The following RYR2 variants were observed in gnomAD, a reference collection of about 807,000 sequenced individuals.
RYR2 encodes the protein ryanodine receptor 2.
Under a neutral mutation model 601.1 loss-of-function variants are expected in RYR2, and 227 were observed. The ratio of observed to expected loss-of-function variants is 0.38; its 90% CI spans 0.34 to 0.42. The LOEUF (loss-of-function observed/expected upper bound fraction) is 0.42, where lower values mean the gene tolerates loss of function less well. Ranked by LOEUF, RYR2 falls within the 10% of genes least tolerant of loss-of-function variation. The pLI, the probability that RYR2 is intolerant of heterozygous loss-of-function variation, is 1.00. For synonymous variants in RYR2, 2,223 were observed against 2,175.1 expected (o/e 1.02, Z -0.61); for missense variants, 4,646 against 6,156.5 (o/e 0.75, Z 8.21).
At chr1:237,794,588 A>G (rs190964401) in intron 95 of RYR2, among the ~76,000 whole-genome samples, 150 of 152,326 alleles carry the variant, frequency 9.8e-4, no homozygotes, top group African/African-American at 3.4e-3. Context: ...ACAAAAGTAT[A>G]ATTTTTCACT....
At chr1:237,782,232 T>C (rs1185214755) in intron 89 of RYR2, among the ~76,000 whole-genome samples, 2 of 149,754 alleles carry the variant, frequency 1.3e-5, no homozygotes, top group Non-Finnish European at 3.0e-5. Flanking sequence ...AGTTAAGAGC[T>C]TGGGCTCCAA....
At chr1:237,611,824 A>G (rs1677901261) in intron 36 of RYR2, among the ~76,000 whole-genome samples, 1 of 152,274 alleles carries the variant, frequency 6.6e-6, no homozygotes, top group African/African-American at 2.4e-5. Flanking sequence ...TTTTATTTTA[A>G]TATCTTTAAA....
intron 101 of RYR2, among the ~76,000 whole-genome samples, chr1:237,821,857 GCAC>G (rs2102857721): frequency 6.6e-6 from 1 of 151,764 alleles, no homozygotes; most frequent in East Asian, 2.0e-4. Flanking sequence ...GAAAAACACA[GCAC>G]AAGAACTTTG....
intron 51 of RYR2, 117 bp from the exon 52 acceptor site, chr1:237,654,157 C>A: frequency 8.1e-7 from 1 of 1,234,552 alleles, no homozygotes; most frequent in African/African-American, 1.5e-5. Flanking sequence ...TGGGATTGGG[C>A]AATTTCACTT....
intron 19 of RYR2, among the ~76,000 whole-genome samples, chr1:237,494,353 T>G (rs760626825): frequency 2.2e-4 from 33 of 152,224 alleles, no homozygotes; most frequent in Non-Finnish European, 4.1e-4. Flanking sequence ...AGTCCAATGT[T>G]CAAGGGCAGA....
At chr1:237,365,539 A>AT (rs1196070714) in intron 5 of RYR2, among the ~76,000 whole-genome samples, 1 of 152,232 alleles carries the variant, frequency 6.6e-6, no homozygotes, top group Non-Finnish European at 1.5e-5. Context: ...TTATGATCAC[A>AT]TTTTGAAGAG....
intron 1 of RYR2, among the ~76,000 whole-genome samples, chr1:237,098,930 C>T (rs1351309190): frequency 2.0e-5 from 3 of 152,140 alleles, no homozygotes; most frequent in African/African-American, 7.2e-5. Context: ...GGTCTCTTCC[C>T]CTGGCATGTC....
chr1:237,446,329 A>G (rs557812979), intron 14 of RYR2, among the ~76,000 whole-genome samples: 1 of 152,108 alleles, frequency 6.6e-6, no homozygotes, highest in Non-Finnish European at 1.5e-5. Context: ...AAACTTTGCT[A>G]ATTTGATGGG....
chr1:237,082,546 T>TATATAA, intron 1 of RYR2, among the ~76,000 whole-genome samples: 1 of 120,730 alleles, frequency 8.3e-6, no homozygotes, highest in East Asian at 2.4e-4. Context: ...TATATATATA[T>TATATAA]ATATATATAT....
chr1:237,697,121 C>T (rs1219601108), intron 63 of RYR2, among the ~76,000 whole-genome samples: 2 of 151,596 alleles, frequency 1.3e-5, no homozygotes, highest in Admixed American at 6.6e-5. Context: ...CCCTTAGCCA[C>T]TTGACCCTCT....
rs187828672 is a variant in RYR2 at position 237,106,441 on chromosome 1, C to T, written c.48+63872C>T. Among the ~76,000 whole-genome samples, 19 of 152,162 alleles carry T rather than the reference C, an allele frequency of 1.2e-4. No individual in the cohort carries two copies. Among genetic ancestry groups the T allele is most frequent in the African/African-American group, 4.3e-4 (18 of 41,532 alleles). On this transcript the variant is annotated intron_variant, in intron 1 of 104. Coordinates refer to ENST00000366574, the MANE Select transcript of RYR2 (RefSeq NM_001035.3). The surrounding 1 kb of genome is among the most constrained non-coding windows in gnomAD (Gnocchi z 4.4). ...AGGGTTGAGAGAGAGAAGGGGAGTC[C>T]GGATCATCCCAAGGTTTCTGGCAGA...
At chr1:237,219,613 G>A (rs901767472) in intron 1 of RYR2, among the ~76,000 whole-genome samples, 2 of 152,168 alleles carry the variant, frequency 1.3e-5, no homozygotes, top group African/African-American at 4.8e-5. Flanking sequence ...GGCTGTGTTG[G>A]GGAGGAATGA....
chr1:237,410,114 C>T (rs1204014909), intron 10 of RYR2, among the ~76,000 whole-genome samples: 1 of 152,184 alleles, frequency 6.6e-6, no homozygotes, highest in Non-Finnish European at 1.5e-5. Context: ...GAGCCCCTCT[C>T]AAAGTGTCCG....
chr1:237,779,223 G>A (rs1694901400), intron 88 of RYR2, among the ~76,000 whole-genome samples: 1 of 152,148 alleles, frequency 6.6e-6, no homozygotes, highest in Non-Finnish European at 1.5e-5. Context: ...CCCCTAACCA[G>A]TGTATTTAAT....
At chr1:237,644,265 C>T (rs1681889932) in intron 48 of RYR2, among the ~76,000 whole-genome samples, 1 of 152,072 alleles carries the variant, frequency 6.6e-6, no homozygotes, top group African/African-American at 2.4e-5. Flanking sequence ...TGGAGTCTCA[C>T]TCCGTCACCC....
chr1:237,712,117 C>T lies in RYR2; in HGVS notation c.10323+280C>T, dbSNP rs2685299. Among the ~76,000 whole-genome samples the T allele has an allele frequency of 0.52, 79,315 of 151,740 alleles. 24,072 individuals are homozygous for T. Among genetic ancestry groups the T allele is most frequent in the Middle Eastern group, 0.69 (202 of 294 alleles). On this transcript the variant is annotated intron_variant, in intron 71 of 104. Coordinates refer to ENST00000366574, the MANE Select transcript of RYR2 (RefSeq NM_001035.3). ...GCATGGCATGCCAGGCAGGGCCCCC[C>T]GGGGAGAGGTCAGGGTCAGTCAGGA...
chr1:237,506,814 G>A lies in RYR2; in HGVS notation c.2718G>A (p.Pro906=), dbSNP rs1164077324. The A allele has an allele frequency of 2.5e-6, 4 of 1,609,640 alleles. No homozygotes were observed. The highest frequency in any genetic ancestry group is 3.4e-6 in the Non-Finnish European group (4 of 1,176,284). ...TTGAGCTTGGCTGGCAGTATGGTCCGGTATGTAATTTTGAAATTTATTTTC... is the reference window on the plus strand; with the variant it reads ...TTGAGCTTGGCTGGCAGTATGGTCCAGTATGTAATTTTGAAATTTATTTTC... ...NKIELGWQYG[P]VRDDNKRQHP... The change falls in exon 23 of 105, where the codon CCG becomes CCA. Residue 906 remains proline, a splice_region_variant and synonymous_variant. Coordinates refer to ENST00000366574, the MANE Select transcript of RYR2 (RefSeq NM_001035.3).
intron 47 of RYR2, 98 bp downstream of exon 47, chr1:237,641,100 T>C (rs1355551644): frequency 2.9e-6 from 2 of 696,892 alleles, no homozygotes; most frequent in Non-Finnish European, 4.5e-6. Context: ...ACCAATAATC[T>C]TCATGCTCCA....
intron 62 of RYR2, among the ~76,000 whole-genome samples, chr1:237,683,322 A>C (rs1431123594): frequency 6.6e-6 from 1 of 152,230 alleles, no homozygotes; most frequent in East Asian, 1.9e-4. Flanking sequence ...AGAAATTATT[A>C]TATACTGAGC....
Sources: allele counts gnomAD v4.1 joint callset (sites outside exome capture counted in the v4.1 genomes callset), GRCh38; gene constraint gnomAD v4.1.1; non-coding constraint Gnocchi (gnomAD v3.1); transcripts MANE v1.5; gene names NCBI Gene and HGNC (gene_info 2026-07-23, HGNC 2026-07-21).